The following CCSER2 variants were observed in gnomAD, a reference collection of about 807,000 sequenced individuals.
CCSER2 encodes the protein coiled-coil serine rich protein 2.
A neutral mutation model predicts 92.3 loss-of-function variants in CCSER2; 46 were observed. The ratio of observed to expected loss-of-function variants is 0.50; its 90% CI spans 0.39 to 0.64. The LOEUF is 0.64. CCSER2 is among the 30% of genes least tolerant of loss of function. The probability of loss-of-function intolerance (pLI) is 0.00; values close to 1 mark genes in which losing one functional copy is unlikely to be tolerated. For missense variants in CCSER2, 1,244 were observed against 1,238.9 expected (o/e 1.00, Z -0.06); for synonymous variants, 433 against 431.4 (o/e 1.00, Z -0.04).
chr10:84,413,875 G>A (rs997356507), intron 3 of CCSER2, among the ~76,000 whole-genome samples: 2 of 152,152 alleles, frequency 1.3e-5, no homozygotes, highest in African/African-American at 4.8e-5. Context: ...TCTTCTTGTT[G>A]AATTGAACCT....
intron 3 of CCSER2, among the ~76,000 whole-genome samples, chr10:84,417,559 C>T (rs182893021): frequency 6.6e-6 from 1 of 152,180 alleles, no homozygotes; most frequent in Admixed American, 6.5e-5. Context: ...GGAGGAAAGA[C>T]TAGGAGGAAG....
chr10:84,503,041 G>A (rs1202382831), intron 9 of CCSER2, among the ~76,000 whole-genome samples: 3 of 151,962 alleles, frequency 2.0e-5, no homozygotes, highest in South Asian at 2.1e-4. Context: ...TGGTTAACAC[G>A]GTGAAACCGC....
intron 6 of CCSER2, among the ~76,000 whole-genome samples, chr10:84,444,907 A>G (rs921914050): frequency 3.9e-5 from 6 of 152,208 alleles, no homozygotes; most frequent in Non-Finnish European, 7.3e-5. Context: ...TGGGATAAGA[A>G]TGACAACAGT....
chr10:84,459,922 A>T (rs746340554), intron 6 of CCSER2, among the ~76,000 whole-genome samples: 3 of 151,882 alleles, frequency 2.0e-5, no homozygotes, highest in Admixed American at 6.6e-5. Flanking sequence ...TTTGCCAGGA[A>T]ATTTATCTGT....
chr10:84,396,185 CTG>C (rs11467455), intron 3 of CCSER2, among the ~76,000 whole-genome samples: 10,301 of 145,694 alleles, frequency 0.071, 441 homozygotes, highest in Non-Finnish European at 0.096. Flanking sequence ...TTATTCAACA[CTG>C]TGTGTGTGTG....
intron 3 of CCSER2, among the ~76,000 whole-genome samples, chr10:84,408,160 TAA>T (rs55985683): frequency 6.0e-5 from 9 of 149,120 alleles, no homozygotes; most frequent in African/African-American, 2.0e-4. Flanking sequence ...TACAGAAAAG[TAA>T]AAAAAAAAAT....
intron 3 of CCSER2, chr10:84,391,747 G>A: frequency 6.6e-7 from 1 of 1,504,616 alleles, no homozygotes; most frequent in Non-Finnish European, 9.2e-7. Context: ...CCATGCTACA[G>A]CAGTATGAAG....
chr10:84,392,115 C>T (rs749767547), intron 3 of CCSER2: 40 of 696,354 alleles, frequency 5.7e-5, no homozygotes, highest in Middle Eastern at 4.3e-4. Context: ...GGAGCCTCTG[C>T]ACCCAGGGAA....
chr10:84,460,171 C>G (rs1846018310), intron 6 of CCSER2, among the ~76,000 whole-genome samples: 1 of 146,518 alleles, frequency 6.8e-6, no homozygotes, highest in Non-Finnish European at 1.5e-5. Flanking sequence ...TTCACTGCAA[C>G]CTCTGCCTCC....
intron 9 of CCSER2, chr10:84,507,337 C>T (rs1849111320): frequency 1.0e-6 from 1 of 984,772 alleles, no homozygotes; most frequent in Non-Finnish European, 1.2e-6. Flanking sequence ...AAGCGTGGTA[C>T]AGTACAATTT....
At chr10:84,373,470 T>G (rs751291842) in intron 2 of CCSER2, 149 bp from the exon 3 acceptor site, 56 of 534,196 alleles carry the variant, frequency 1.0e-4, no homozygotes, top group Non-Finnish European at 1.3e-4. Flanking sequence ...GATGTTTTTA[T>G]TGCTTAGGAT....
At chr10:84,426,533 A>C (rs12777358) in intron 5 of CCSER2, among the ~76,000 whole-genome samples, 32,264 of 152,092 alleles carry the variant, frequency 0.21, 3,647 homozygotes, top group Admixed American at 0.34. Flanking sequence ...TAATATCTTT[A>C]TCTCAGTGTT....
At chr10:84,381,917 CAAAAAA>C (rs544545707) in intron 3 of CCSER2, among the ~76,000 whole-genome samples, 2 of 120,072 alleles carry the variant, frequency 1.7e-5, no homozygotes, top group Non-Finnish European at 1.7e-5. Context: ...AAGGCTTTCT[CAAAAAA>C]AAAAAAAAAA....
At chr10:84,396,882 G>A (rs781043375) in intron 3 of CCSER2, among the ~76,000 whole-genome samples, 1 of 152,032 alleles carries the variant, frequency 6.6e-6, no homozygotes, top group African/African-American at 2.4e-5. Flanking sequence ...TACTTATTTT[G>A]TAGATTGTGC....
chr10:84,405,663 T>C (rs1158245039), intron 3 of CCSER2, among the ~76,000 whole-genome samples: 1 of 152,168 alleles, frequency 6.6e-6, no homozygotes, highest in Non-Finnish European at 1.5e-5. Flanking sequence ...GAATAGACAC[T>C]TTATCAAAAA....
In CCSER2 at chr10:84,383,974, A is replaced by G. The variant is rs542706417; in HGVS notation, c.1614+10159A>G. The stretch of plus-strand genomic sequence containing the variant: ...TAAAGGTGATTTTACAACTGATGCC[A>G]TGGAAATACAAAGGATCATCAGAGA... On this transcript the variant is annotated intron_variant, in intron 3 of 9. Transcript: ENST00000372088. Among the ~76,000 whole-genome samples the G allele has an allele frequency of 1.3e-5, 2 of 152,324 alleles. 1 individual carries two copies. The highest frequency in any genetic ancestry group is 4.1e-4 in the South Asian group (2 of 4,832).
rs367902602 is a variant in CCSER2 at position 84,386,363 on chromosome 10, T to C, written c.1614+12548T>C. The stretch of plus-strand genomic sequence containing the variant: ...ATCAACTTAAGTGTCCATTAGTAGT[T>C]GATTGGATAAAGAAAATGTGGTGTA... On this transcript the variant is annotated intron_variant, in intron 3 of 9. Transcript: ENST00000372088. Among the ~76,000 whole-genome samples, 3 of 152,280 alleles carry C rather than the reference T, an allele frequency of 2.0e-5. No homozygotes were observed. The East Asian group carries it at 5.8e-4, about 29-fold the overall frequency.
At chr10:84,373,900 T>G (rs1397111508) in intron 3 of CCSER2, 85 bp downstream of exon 3, 1 of 1,567,146 alleles carries the variant, frequency 6.4e-7, no homozygotes, top group East Asian at 2.4e-5. Context: ...TGTAAAAAAT[T>G]TATGAATTAA....
intron 9 of CCSER2, among the ~76,000 whole-genome samples, chr10:84,479,517 A>G (rs937738481): frequency 6.6e-6 from 1 of 152,258 alleles, no homozygotes; most frequent in Non-Finnish European, 1.5e-5. Context: ...AATAAGAGGA[A>G]GAAATATAGT....
Sources: allele counts gnomAD v4.1 joint callset (sites outside exome capture counted in the v4.1 genomes callset), GRCh38; gene constraint gnomAD v4.1.1; transcripts MANE v1.5; gene names NCBI Gene and HGNC (gene_info 2026-07-23, HGNC 2026-07-21).